TMEM131L: variants seen among roughly 807,000 people sequenced by gnomAD.
TMEM131L encodes the protein transmembrane protein 131-like.
A neutral mutation model predicts 192.2 loss-of-function variants in TMEM131L; 54 were observed. That is an observed-to-expected ratio of 0.28 (90% CI 0.23 to 0.35). The LOEUF (loss-of-function observed/expected upper bound fraction) is 0.35, where lower values mean the gene tolerates loss of function less well. Ranked by LOEUF, TMEM131L falls within the 10% of genes least tolerant of loss-of-function variation. The pLI is 1.00. For missense variants in TMEM131L, 1,888 were observed against 1,972.9 expected (o/e 0.96, Z 0.82); for synonymous variants, 701 against 704.9 (o/e 0.99, Z 0.09).
chr4:153,523,882 C>T (rs147160587), intron 3 of TMEM131L, among the ~76,000 whole-genome samples: 11 of 152,274 alleles, frequency 7.2e-5, no homozygotes, highest in Admixed American at 7.2e-4. Flanking sequence ...GGGTGATACC[C>T]AAGGTTTTAC....
At chr4:153,631,317 G>T (rs1734193354) in intron 31 of TMEM131L, among the ~76,000 whole-genome samples, 1 of 152,228 alleles carries the variant, frequency 6.6e-6, no homozygotes, top group South Asian at 2.1e-4. Context: ...CCCTAGAGGG[G>T]TACCTGCCAT....
Position 153,586,330 on chromosome 4 carries a change from T to G in TMEM131L, c.1433T>G (p.Ile478Arg). ...ACCAATGTATTTTTGACTACAAACA[T>G]AGGTGCCATTTTTGCAATACCTCTA... ...LFTNVFLTTN[I>R]GAIFAIPLQI... The change falls in exon 14 of 35, where the codon ATA becomes AGA. Residue 478 changes from isoleucine (I) to arginine (R), a missense_variant. Ile to Arg is a moderately conservative substitution (Grantham distance 97). Transcript: ENST00000409959. The G allele has an allele frequency of 6.2e-7, 1 of 1,605,232 alleles. No individual in the cohort carries two copies.
Position 153,629,947 on chromosome 4 carries a change from G to A in TMEM131L, c.4207+2260G>A, listed in dbSNP as rs1734100386. ...TCTTTGACCCAGACAACTACCAAAT[G>A]TATATGCAGGAGACATTCACTCTAT... On this transcript the variant is annotated intron_variant, in intron 31 of 34. Transcript: ENST00000409959. Among the ~76,000 whole-genome samples the A allele has an allele frequency of 1.3e-5, 2 of 152,292 alleles. 1 individual carries two copies. The highest frequency in any genetic ancestry group is 4.1e-4 in the South Asian group (2 of 4,824).
intron 3 of TMEM131L, among the ~76,000 whole-genome samples, chr4:153,475,814 A>G (rs1284261908): frequency 6.6e-6 from 1 of 152,232 alleles, no homozygotes; most frequent in Non-Finnish European, 1.5e-5. Context: ...GATTTAAAGT[A>G]TACAGGAGGA....
At chr4:153,496,463 A>G (rs567607118) in intron 3 of TMEM131L, among the ~76,000 whole-genome samples, 96 of 152,174 alleles carry the variant, frequency 6.3e-4, no homozygotes, top group Non-Finnish European at 1.0e-3. Flanking sequence ...GGATTTCAGT[A>G]ATCTAAGTCC....
chr4:153,476,729 TC>T (rs1280080702), intron 3 of TMEM131L, among the ~76,000 whole-genome samples: 2 of 151,796 alleles, frequency 1.3e-5, no homozygotes, highest in African/African-American at 4.8e-5. Context: ...AACCAAAAAT[TC>T]CTTGGGTGAC....
chr4:153,530,869 C>G (rs1014894979), intron 3 of TMEM131L, among the ~76,000 whole-genome samples: 1 of 152,148 alleles, frequency 6.6e-6, no homozygotes, highest in Non-Finnish European at 1.5e-5. Context: ...TGGGCCAGTT[C>G]CATGTGGTTC....
At chr4:153,545,742 ACAGGT>A (rs1181718734) in intron 3 of TMEM131L, among the ~76,000 whole-genome samples, 1 of 152,210 alleles carries the variant, frequency 6.6e-6, no homozygotes, top group Non-Finnish European at 1.5e-5. Context: ...ATCCTTGTCT[ACAGGT>A]CCTGCTGCTG....
At chr4:153,611,420 C>G (rs1732605430) in intron 25 of TMEM131L, among the ~76,000 whole-genome samples, 1 of 152,224 alleles carries the variant, frequency 6.6e-6, no homozygotes, top group African/African-American at 2.4e-5. Flanking sequence ...AGTCTTTATC[C>G]TTCTCTGCCT....
At chr4:153,572,065 A>G (rs938237655) in intron 7 of TMEM131L, among the ~76,000 whole-genome samples, 2 of 151,346 alleles carry the variant, frequency 1.3e-5, no homozygotes, top group Non-Finnish European at 2.9e-5. Context: ...TTTAGTTGGC[A>G]TGTAATAATT....
intron 23 of TMEM131L, 61 bp from the exon 24 acceptor site, chr4:153,603,242 C>T: frequency 7.1e-7 from 1 of 1,417,098 alleles, no homozygotes; most frequent in African/African-American, 1.5e-5. Flanking sequence ...TGTAATGAAA[C>T]TAGTCTTTTG....
chr4:153,608,644 C>G (rs1407099906), intron 25 of TMEM131L, among the ~76,000 whole-genome samples: 1 of 152,164 alleles, frequency 6.6e-6, no homozygotes, highest in African/African-American at 2.4e-5. Context: ...ACATTCCTCA[C>G]CTTTCTGAAA....
intron 3 of TMEM131L, among the ~76,000 whole-genome samples, chr4:153,484,593 C>T (rs1279465504): frequency 1.3e-5 from 2 of 150,504 alleles, no homozygotes; most frequent in Non-Finnish European, 3.0e-5. Context: ...CTCAGCCTCC[C>T]GAGTAGCTGG....
intron 25 of TMEM131L, among the ~76,000 whole-genome samples, chr4:153,609,313 C>T (rs777472049): frequency 3.3e-5 from 5 of 152,252 alleles, no homozygotes; most frequent in Non-Finnish European, 2.9e-5. Flanking sequence ...GTGCTACACA[C>T]TTTTAAACAA....
chr4:153,529,433 C>G (rs924553645), intron 3 of TMEM131L, among the ~76,000 whole-genome samples: 2 of 152,122 alleles, frequency 1.3e-5, no homozygotes, highest in Admixed American at 6.5e-5. Context: ...GTATATGTTT[C>G]CACTTACTGA....
chr4:153,622,129 T>C (rs1733467791), intron 28 of TMEM131L, among the ~76,000 whole-genome samples: 2 of 152,162 alleles, frequency 1.3e-5, no homozygotes, highest in Non-Finnish European at 2.9e-5. Flanking sequence ...TTGCTGCAGA[T>C]AGGTCCCCTT....
At chr4:153,595,752 A>G (rs1731391779) in intron 19 of TMEM131L, among the ~76,000 whole-genome samples, 1 of 151,586 alleles carries the variant, frequency 6.6e-6, no homozygotes, top group Admixed American at 6.6e-5. Flanking sequence ...GAGAAAATAG[A>G]GGAAGATGTG....
chr4:153,526,193 C>T (rs1022028534), intron 3 of TMEM131L, among the ~76,000 whole-genome samples: 8 of 152,132 alleles, frequency 5.3e-5, no homozygotes, highest in African/African-American at 1.2e-4. Flanking sequence ...CCAGGCGATG[C>T]GATGCTGCTG....
chr4:153,514,197 C>T (rs1734550621), intron 3 of TMEM131L, among the ~76,000 whole-genome samples: 1 of 152,166 alleles, frequency 6.6e-6, no homozygotes, highest in Non-Finnish European at 1.5e-5. Context: ...TAAAACAAGA[C>T]TAATGGTACC....
Sources: gnomAD v4.1 joint callset for allele counts (sites outside exome capture counted in the v4.1 genomes callset) on GRCh38, gnomAD v4.1.1 for gene constraint, MANE v1.5 for transcripts, NCBI Gene and HGNC (gene_info 2026-07-23, HGNC 2026-07-21) for gene names.